GABRG2: variants seen among roughly 807,000 people sequenced by gnomAD.
GABRG2 encodes gamma-aminobutyric acid type A receptor subunit gamma2.
Under a neutral mutation model 56.4 loss-of-function variants are expected in GABRG2, and 16 were observed. The ratio of observed to expected loss-of-function variants is 0.28; its 90% confidence interval spans 0.19 to 0.43. The LOEUF (loss-of-function observed/expected upper bound fraction) is 0.43. Ranked by LOEUF, GABRG2 falls within the 20% of genes least tolerant of loss-of-function variation. GABRG2 has a pLI of 1.00. For synonymous variants in GABRG2, 208 were observed against 205.5 expected, an observed-to-expected ratio of 1.01 and a Z score of -0.10; for missense variants, 327 against 582.7, an observed-to-expected ratio of 0.56 and a Z score of 4.52.
chr5:162,121,460 T>C (rs1167082635), intron 6 of GABRG2, among the ~76,000 whole-genome samples: 2 of 152,074 alleles, frequency 1.3e-5, no homozygotes, highest in Admixed American at 6.6e-5. Flanking sequence ...GAGCTTTGGA[T>C]CTATTTTTTT....
intron 6 of GABRG2, among the ~76,000 whole-genome samples, chr5:162,108,548 T>C (rs1043496336): frequency 6.6e-6 from 1 of 152,166 alleles, no homozygotes; most frequent in African/African-American, 2.4e-5. Context: ...CCTTTGCTGA[T>C]CTTAATACCA....
intron 7 of GABRG2, among the ~76,000 whole-genome samples, chr5:162,148,296 T>A (rs970520293): frequency 6.6e-6 from 1 of 152,202 alleles, no homozygotes; most frequent in Non-Finnish European, 1.5e-5. Context: ...ATCTATAAAT[T>A]CAGAATGAAA....
intron 6 of GABRG2, among the ~76,000 whole-genome samples, chr5:162,112,614 G>A (rs1447537141): frequency 6.6e-6 from 1 of 152,030 alleles, no homozygotes; most frequent in Non-Finnish European, 1.5e-5. Flanking sequence ...CTGGAAATGG[G>A]CAGCAAATAG....
At chr5:162,144,740 G>T (rs1581444519) in intron 7 of GABRG2, among the ~76,000 whole-genome samples, 1 of 152,178 alleles carries the variant, frequency 6.6e-6, no homozygotes, top group East Asian at 1.9e-4. Context: ...GCTCTGGGTA[G>T]GAGGCCTTGG....
chr5:162,098,165 G>T (rs1187508518), intron 4 of GABRG2: 2 of 380,562 alleles, frequency 5.3e-6, no homozygotes, highest in Non-Finnish European at 9.7e-6. Context: ...TTGCACCTAC[G>T]CTTTGCACTC....
Position 162,153,110 on chromosome 5 carries a change from C to T in GABRG2, c.1170C>T (p.Ile390=). 2.5e-6 allele frequency: 4 copies of T among 1,614,044 alleles called. No homozygotes were observed. In the South Asian group the frequency reaches 3.3e-5, roughly 13 times the overall value. The change falls in exon 10 of 10, where the codon ATC becomes ATT. Residue 390 remains isoleucine, a synonymous_variant. Coordinates refer to ENST00000639213, the MANE Select transcript of GABRG2 (RefSeq NM_198904.4). ...CGTCCCAGGCCCCTACCATTGATATCCGCCCAAGATCAGCAACCATTCAAA... is the reference window on the plus strand; with the variant it reads ...CGTCCCAGGCCCCTACCATTGATATTCGCCCAAGATCAGCAACCATTCAAA... The part of the protein sequence containing the change: ...MFSFKAPTID[I]RPRSATIQMN...
intron 5 of GABRG2, chr5:162,102,487 A>C: frequency 6.6e-6 from 3 of 454,000 alleles, no homozygotes; most frequent in Non-Finnish European, 1.3e-5. Flanking sequence ...TCACCAGCAC[A>C]TTCTCTGCCT....
At chr5:162,102,647 T>G (rs1165177927) in intron 5 of GABRG2, 2 of 452,450 alleles carry the variant, frequency 4.4e-6, no homozygotes, top group African/African-American at 2.0e-5. Flanking sequence ...CCTCCCACCT[T>G]GGCCTCCAGA....
At chr5:162,078,860 T>G (rs1006664258) in intron 1 of GABRG2, among the ~76,000 whole-genome samples, 2 of 151,880 alleles carry the variant, frequency 1.3e-5, no homozygotes, top group Non-Finnish European at 2.9e-5. Context: ...CTAAGTGAAT[T>G]ATTGTATTTT....
In GABRG2 at chr5:162,117,516, C is replaced by A. The variant is rs1265487837; in HGVS notation, c.769+13490C>A. Among the ~76,000 whole-genome samples, 4 of 152,176 alleles carry A rather than the reference C, an allele frequency of 2.6e-5. No individual in the cohort carries two copies. The South Asian group carries it at 8.3e-4, about 32-fold the overall frequency. Reference sequence around the variant, plus strand: ...TATTGTCAAAAAGAGTAGTTTCAAGCAACTTTTAAAATCTTTTCCTGTATT... The same window carrying A: ...TATTGTCAAAAAGAGTAGTTTCAAGAAACTTTTAAAATCTTTTCCTGTATT... On this transcript the variant is annotated intron_variant, in intron 6 of 9. Transcript: ENST00000639213.
At chr5:162,131,388 A>G (rs1322182216) in intron 6 of GABRG2, among the ~76,000 whole-genome samples, 1 of 152,042 alleles carries the variant, frequency 6.6e-6, no homozygotes, top group South Asian at 2.1e-4. Flanking sequence ...TCCTGATTGA[A>G]GAAGTCATTA....
At chr5:162,117,504 A>G (rs965260152) in intron 6 of GABRG2, among the ~76,000 whole-genome samples, 1 of 152,156 alleles carries the variant, frequency 6.6e-6, no homozygotes, top group East Asian at 1.9e-4. Flanking sequence ...TGTCAAAAAG[A>G]GTAGTTTCAA....
chr5:162,126,148 A>C (rs1763327519), intron 6 of GABRG2, among the ~76,000 whole-genome samples: 1 of 151,984 alleles, frequency 6.6e-6, no homozygotes, highest in Non-Finnish European at 1.5e-5. Flanking sequence ...ATAGTGAGCC[A>C]GTAGTTAAAA....
chr5:162,076,826 G>A (rs549451224), intron 1 of GABRG2, among the ~76,000 whole-genome samples: 1 of 151,944 alleles, frequency 6.6e-6, no homozygotes, highest in East Asian at 1.9e-4. Flanking sequence ...ATTTTTCTTT[G>A]TGCCTCATAC....
chr5:162,113,847 G>A (rs1762425681), intron 6 of GABRG2, among the ~76,000 whole-genome samples: 1 of 152,148 alleles, frequency 6.6e-6, no homozygotes, highest in Non-Finnish European at 1.5e-5. Context: ...ATTTCCTTAT[G>A]GGTGGTTTCT....
chr5:162,130,534 C>A (rs1473769345), intron 6 of GABRG2, among the ~76,000 whole-genome samples: 1 of 151,842 alleles, frequency 6.6e-6, no homozygotes, highest in African/African-American at 2.4e-5. Context: ...GTTACCCAGG[C>A]TCATCAAAAG....
intron 6 of GABRG2, among the ~76,000 whole-genome samples, chr5:162,139,079 G>C (rs960097140): frequency 1.3e-5 from 2 of 151,190 alleles, no homozygotes; most frequent in Non-Finnish European, 2.9e-5. Flanking sequence ...ACACAAAAAA[G>C]ATAAACATTA....
chr5:162,111,817 A>C (rs2113423654), intron 6 of GABRG2, among the ~76,000 whole-genome samples: 1 of 152,304 alleles, frequency 6.6e-6, no homozygotes, highest in South Asian at 2.1e-4. Flanking sequence ...ACTATTCCTA[A>C]GCTTGATTAT....
chr5:162,081,001 T>C (rs570856899), intron 1 of GABRG2, among the ~76,000 whole-genome samples: 1 of 152,278 alleles, frequency 6.6e-6, no homozygotes, highest in South Asian at 2.1e-4. Context: ...TTAATTATTA[T>C]GATTTGTGCA....
Sources: allele counts gnomAD v4.1 joint callset (sites outside exome capture counted in the v4.1 genomes callset), GRCh38; gene constraint gnomAD v4.1.1; transcripts MANE v1.5; gene names NCBI Gene and HGNC (gene_info 2026-07-23, HGNC 2026-07-21).